Variants in CEP85L observed in about 807,000 individuals in gnomAD.
CEP85L encodes the protein centrosomal protein of 85 kDa-like.
CEP85L carries 60 observed loss-of-function variants against 100.3 expected under a neutral mutation model. The ratio of observed to expected loss-of-function variants is 0.60; its 90% CI spans 0.49 to 0.74. The LOEUF (loss-of-function observed/expected upper bound fraction) is 0.74. Among genes scored for constraint, CEP85L ranks in the 30% least tolerant of loss-of-function variants. CEP85L has a pLI of 0.00. For synonymous variants in CEP85L, 319 were observed against 322.7 expected (o/e 0.99, Z 0.12); for missense variants, 973 against 936.2 (o/e 1.04, Z -0.51).
At chr6:118,627,582 G>A (rs1773884655) in intron 2 of CEP85L, among the ~76,000 whole-genome samples, 2 of 152,316 alleles carry the variant, frequency 1.3e-5, no homozygotes, top group Admixed American at 1.3e-4. Context: ...TTAATTGCTG[G>A]AGGCTGAGTA....
At position 118,476,457 on chromosome 6, in the gene CEP85L, AAC is replaced by A. The variant is rs539320754; in HGVS notation, c.1914+3412_1914+3413del. ...GAAAAAGAACTTTATTTCAAGACATAACACAATTCGGATAACAAAAAATAGGA... is the reference window on the plus strand; with the variant it reads ...GAAAAAGAACTTTATTTCAAGACATAACAATTCGGATAACAAAAAATAGGA... On this transcript the variant is annotated intron_variant, in intron 10 of 12. Transcript: ENST00000368491. 1.5e-3 allele frequency among the ~76,000 whole-genome samples: 224 copies of A among 152,294 alleles called. 1 individual carries two copies. Among genetic ancestry groups the A allele is most frequent in the African/African-American group, 5.1e-3 (211 of 41,552 alleles).
rs111533864 is a variant in CEP85L at position 118,480,490 on chromosome 6, C to A, written c.1769G>T (p.Cys590Phe). The A allele has an allele frequency of 6.2e-7, 1 of 1,607,576 alleles. No homozygotes were observed. Among genetic ancestry groups the A allele is most frequent in the East Asian group, 2.2e-5 (1 of 44,674 alleles). The change falls in exon 9 of 13, where the codon TGC becomes TTC. Residue 590 changes from cysteine to phenylalanine, a missense_variant. Cys to Phe is a radical substitution (Grantham distance 205). Coordinates refer to ENST00000368491, the MANE Select transcript of CEP85L (RefSeq NM_001042475.3). ...GGGAAGGCGGATTCCATCTTCAAGG[C>A]ATCTTTCTACTTTTTGTTGCAAACT... Reference protein sequence around the residue: ...VQSLQQKVERCLEDGIRLPML... With the variant: ...VQSLQQKVERFLEDGIRLPML...
chr6:118,548,439 T>G (rs1778339602), intron 3 of CEP85L: 1 of 152,098 alleles, frequency 6.6e-6, no homozygotes, highest in Non-Finnish European at 1.5e-5. Context: ...CTTTCTATAA[T>G]TCTTAATTCC....
intron 6 of CEP85L, among the ~76,000 whole-genome samples, chr6:118,487,909 C>T (rs1774292905): frequency 6.6e-6 from 1 of 152,124 alleles, no homozygotes; most frequent in South Asian, 2.1e-4. Flanking sequence ...AACAATCTGA[C>T]TTTTCAGAAG....
chr6:118,530,884 C>A (rs564639602), intron 3 of CEP85L, among the ~76,000 whole-genome samples: 4 of 151,716 alleles, frequency 2.6e-5, no homozygotes, highest in Admixed American at 1.3e-4. Flanking sequence ...GAAAAACAAC[C>A]CATGCTCTGG....
Position 118,467,537 on chromosome 6 carries a change from T to C in CEP85L, c.2254+1535A>G, listed in dbSNP as rs551683683. ...GGTAAAACTTTCACAATGCCAAATA[T>C]AAGGTAAGGATTCTGGGGTCAAACT... On this transcript the variant is annotated intron_variant, in intron 12 of 12. Transcript: ENST00000368491. Among the ~76,000 whole-genome samples the C allele has an allele frequency of 1.8e-4, 28 of 152,246 alleles. No homozygotes were observed. The East Asian group carries it at 2.3e-3, about 13-fold the overall frequency.
In CEP85L at chr6:118,508,734, C is replaced by T. The variant is rs533261222; in HGVS notation, c.1257+2564G>A. Among the ~76,000 whole-genome samples the T allele has an allele frequency of 7.9e-5, 12 of 152,146 alleles. No individual in the cohort carries two copies. The East Asian group carries it at 1.7e-3, about 22-fold the overall frequency. ...ACTGACTTATTTACTCTAGAATACA[C>T]ATTAATTTCAATAATTATTATTAAA... On this transcript the variant is annotated intron_variant, in intron 5 of 12. Transcript: ENST00000368491.
At chr6:118,508,420 T>A (rs1216070443) in intron 5 of CEP85L, among the ~76,000 whole-genome samples, 1 of 152,126 alleles carries the variant, frequency 6.6e-6, no homozygotes, top group African/African-American at 2.4e-5. Context: ...GGGTCCTTCA[T>A]ATTTGGTTTA....
In CEP85L at chr6:118,601,653, G is replaced by A. The variant is rs530752907; in HGVS notation, c.232+30800C>T. 4.6e-5 allele frequency among the ~76,000 whole-genome samples: 7 copies of A among 152,244 alleles called. No homozygotes were observed. The South Asian group carries it at 1.5e-3, about 32-fold the overall frequency. ...ACTCCACAGACAGTGTAGTCCTATG[G>A]GCTGCTGGTTGCCCATTTTTATGGT... is the stretch of plus-strand genomic sequence containing the variant. On this transcript the variant is annotated intron_variant, in intron 2 of 12. Coordinates refer to ENST00000368491, the MANE Select transcript of CEP85L (RefSeq NM_001042475.3).
At chr6:118,538,970 TAAAAG>T (rs1777756315) in intron 3 of CEP85L, among the ~76,000 whole-genome samples, 1 of 152,048 alleles carries the variant, frequency 6.6e-6, no homozygotes, top group Admixed American at 6.5e-5. Flanking sequence ...GAAACTGAAA[TAAAAG>T]AAGTTTATCA....
intron 1 of CEP85L, among the ~76,000 whole-genome samples, chr6:118,688,785 G>A (rs1447757065): frequency 6.6e-6 from 1 of 152,188 alleles, no homozygotes; most frequent in Non-Finnish European, 1.5e-5. Flanking sequence ...TTCCCTAGGA[G>A]CTCAGGCTCA....
At chr6:118,493,451 A>G (rs886937837) in intron 5 of CEP85L, among the ~76,000 whole-genome samples, 1 of 152,200 alleles carries the variant, frequency 6.6e-6, no homozygotes, top group Non-Finnish European at 1.5e-5. Flanking sequence ...AAGACAAGAG[A>G]GTGCTAGAAG....
At position 118,542,900 on chromosome 6, in the gene CEP85L, C is replaced by CAAAAAAAAAAAAAAAAAAA. The variant is rs71012391; in HGVS notation, c.1021-18999_1021-18981dup. Among the ~76,000 whole-genome samples, 161 of 67,118 alleles carry CAAAAAAAAAAAAAAAAAAA rather than the reference C, an allele frequency of 2.4e-3. 15 individuals carry two copies. The highest frequency in any genetic ancestry group is 4.0e-3 in the South Asian group (6 of 1,510). The allele number at this position is 67,118 out of a possible 152,430, so 44.0% of individuals were successfully genotyped here. On this transcript the variant is annotated intron_variant, in intron 3 of 12. Transcript: ENST00000368491. ...GAACTTCAACATCACCAAGTTTTCCCAAAAAAAAAAAAAAAAAAAAAAACA... is the reference window on the plus strand; with the variant it reads ...GAACTTCAACATCACCAAGTTTTCCCAAAAAAAAAAAAAAAAAAAAAAAAAAAAAAAAAAAAAAAAAACA...
intron 2 of CEP85L, among the ~76,000 whole-genome samples, chr6:118,600,300 G>GGGGGGGTGTGTGTGTGT (rs1562297733): frequency 5.7e-5 from 3 of 52,236 alleles, no homozygotes; most frequent in Non-Finnish European, 8.1e-5. Context: ...CCTTCCTGGG[G>GGGGGGGTGTGTGTGTGT]GTGTGTGTGT....
At chr6:118,675,074 A>C (rs1044217727) in intron 1 of CEP85L, among the ~76,000 whole-genome samples, 1 of 152,204 alleles carries the variant, frequency 6.6e-6, no homozygotes, top group Admixed American at 6.5e-5. Flanking sequence ...GTCAACTCAT[A>C]AATGGATAAA....
intron 1 of CEP85L, among the ~76,000 whole-genome samples, chr6:118,665,535 T>C (rs992050817): frequency 4.0e-5 from 6 of 151,840 alleles, no homozygotes; most frequent in Non-Finnish European, 8.8e-5. Flanking sequence ...CTTTTTGTGT[T>C]TTTTATAGAG....
intron 10 of CEP85L, among the ~76,000 whole-genome samples, chr6:118,473,581 A>T (rs1773128646): frequency 6.6e-6 from 1 of 152,140 alleles, no homozygotes; most frequent in South Asian, 2.1e-4. Flanking sequence ...AAAAATGAGG[A>T]TCCACTGAAG....
At chr6:118,535,314 T>C (rs1777527186) in intron 3 of CEP85L, among the ~76,000 whole-genome samples, 1 of 152,118 alleles carries the variant, frequency 6.6e-6, no homozygotes, top group Non-Finnish European at 1.5e-5. Context: ...ATTCTATACA[T>C]AGGGCTTCTG....
chr6:118,620,224 A>G (rs1414091107), intron 2 of CEP85L, among the ~76,000 whole-genome samples: 1 of 152,222 alleles, frequency 6.6e-6, no homozygotes, highest in Non-Finnish European at 1.5e-5. Flanking sequence ...TCAGCGGCCA[A>G]TATTAGGAGA....
Sources: gnomAD v4.1 joint callset for allele counts (sites outside exome capture counted in the v4.1 genomes callset) on GRCh38, gnomAD v4.1.1 for gene constraint, MANE v1.5 for transcripts, NCBI Gene and HGNC (gene_info 2026-07-23, HGNC 2026-07-21) for gene names.